The following NUBPL variants were observed in gnomAD, a reference collection of about 807,000 sequenced individuals.
NUBPL encodes iron-sulfur cluster transfer protein NUBPL.
Under a neutral mutation model 45.7 loss-of-function variants are expected in NUBPL, and 31 were observed. The ratio of observed to expected loss-of-function variants is 0.68; its 90% confidence interval spans 0.51 to 0.92. The LOEUF (loss-of-function observed/expected upper bound fraction) is 0.92, where lower values mean the gene tolerates loss of function less well. Among genes scored for constraint, NUBPL ranks in the 40% least tolerant of loss-of-function variants. The probability of loss-of-function intolerance (pLI) is 0.00; values close to 1 mark genes in which losing one functional copy is unlikely to be tolerated. For missense variants in NUBPL, 401 were observed against 398.7 expected, an observed-to-expected ratio of 1.01 and a Z score of -0.05; for synonymous variants, 144 against 140.9, an observed-to-expected ratio of 1.02 and a Z score of -0.15.
chr14:31,736,735 AT>A (rs1448304765), intron 6 of NUBPL, among the ~76,000 whole-genome samples: 1 of 152,150 alleles, frequency 6.6e-6, no homozygotes, highest in Non-Finnish European at 1.5e-5. Flanking sequence ...TGACTGCTGG[AT>A]TTTAGCTTAG....
intron 6 of NUBPL, among the ~76,000 whole-genome samples, chr14:31,708,320 G>A (rs2037496806): frequency 6.6e-6 from 1 of 152,134 alleles, no homozygotes; most frequent in African/African-American, 2.4e-5. Context: ...GAAAAGTGGT[G>A]GGGTCTTTTA....
At chr14:31,812,372 C>T (rs1471293916) in intron 7 of NUBPL, among the ~76,000 whole-genome samples, 1 of 152,194 alleles carries the variant, frequency 6.6e-6, no homozygotes, top group African/African-American at 2.4e-5. Context: ...CCCAGCCAGG[C>T]TTGCCTCCTT....
intron 6 of NUBPL, among the ~76,000 whole-genome samples, chr14:31,678,520 C>A (rs912800373): frequency 6.6e-6 from 1 of 152,186 alleles, no homozygotes; most frequent in Non-Finnish European, 1.5e-5. Context: ...TTGGTCCTGC[C>A]ATGACTGGAT....
chr14:31,814,488 G>T (rs1375687991), intron 7 of NUBPL, among the ~76,000 whole-genome samples: 1 of 151,878 alleles, frequency 6.6e-6, no homozygotes, highest in East Asian at 1.9e-4. Context: ...TAGGTTGGCT[G>T]TTTACTATGA....
At chr14:31,705,412 C>T (rs900132873) in intron 6 of NUBPL, among the ~76,000 whole-genome samples, 13 of 152,246 alleles carry the variant, frequency 8.5e-5, no homozygotes, top group African/African-American at 2.9e-4. Context: ...GCCTCACCCA[C>T]ATCCTACTGA....
intron 8 of NUBPL, among the ~76,000 whole-genome samples, chr14:31,838,017 A>G (rs937699376): frequency 1.3e-5 from 2 of 152,156 alleles, no homozygotes; most frequent in Non-Finnish European, 2.9e-5. Context: ...AACTTTAACC[A>G]GGAACCATGT....
At chr14:31,580,902 C>A (rs1435410966) in intron 3 of NUBPL, among the ~76,000 whole-genome samples, 1 of 152,166 alleles carries the variant, frequency 6.6e-6, no homozygotes, top group Non-Finnish European at 1.5e-5. Context: ...CCTCATAAGC[C>A]GTGGTGGAAA....
intron 6 of NUBPL, among the ~76,000 whole-genome samples, chr14:31,754,095 G>A (rs926915747): frequency 6.6e-6 from 1 of 152,130 alleles, no homozygotes; most frequent in African/African-American, 2.4e-5. Context: ...TAAAGAAGAT[G>A]AATGTTGGGC....
intron 7 of NUBPL, among the ~76,000 whole-genome samples, chr14:31,791,152 C>T (rs1382098930): frequency 6.6e-6 from 1 of 151,970 alleles, no homozygotes; most frequent in Non-Finnish European, 1.5e-5. Context: ...GTGACGTGCA[C>T]TTGTGGTCCC....
At chr14:31,848,858 C>A (rs2040494388) in intron 9 of NUBPL, among the ~76,000 whole-genome samples, 1 of 152,084 alleles carries the variant, frequency 6.6e-6, no homozygotes, top group Non-Finnish European at 1.5e-5. Flanking sequence ...TCCATTTCTG[C>A]AGTAGAAAAG....
In NUBPL at chr14:31,859,264, A is replaced by G. The variant is rs2040674785; in HGVS notation, c.*84A>G. 2 of 974,540 alleles carry G rather than the reference A, an allele frequency of 2.1e-6. No individual in the cohort carries two copies. The highest frequency in any genetic ancestry group is 1.6e-5 in the African/African-American group (1 of 61,992). 60.4% of individuals were successfully genotyped at this position (974,540 alleles called of 1,614,324 possible). On this transcript the variant is annotated 3_prime_UTR_variant, in exon 11 of 11. Transcript: ENST00000281081. ...AGCAATGTGGTGATGGAACCTACAG[A>G]AATAATAGAAATCATAACTGTTTTA... is the stretch of plus-strand genomic sequence containing the variant.
chr14:31,825,358 C>T (rs539829236), intron 7 of NUBPL, among the ~76,000 whole-genome samples: 14 of 152,288 alleles, frequency 9.2e-5, no homozygotes, highest in African/African-American at 2.9e-4. Context: ...CTTTATAACT[C>T]CATAACACCC....
Position 31,600,678 on chromosome 14 carries a change from A to G in NUBPL, c.382+1299A>G, listed in dbSNP as rs576765962. The stretch of plus-strand genomic sequence containing the variant: ...GCCCTTTGTCAGATGAGTAGGTTGC[A>G]AAAATTTTCTCCCATTTTGTAGGTT... On this transcript the variant is annotated intron_variant, in intron 4 of 10. Transcript: ENST00000281081. 1.1e-3 allele frequency among the ~76,000 whole-genome samples: 172 copies of G among 152,182 alleles called. No homozygotes were observed. The Middle Eastern group carries it at 0.014, about 12-fold the overall frequency.
At chr14:31,595,580 C>G (rs1054431744) in intron 3 of NUBPL, among the ~76,000 whole-genome samples, 2 of 152,202 alleles carry the variant, frequency 1.3e-5, no homozygotes, top group African/African-American at 4.8e-5. Context: ...TAAAACTTAG[C>G]TGGCTGGACA....
chr14:31,853,534 T>G (rs187638851), intron 10 of NUBPL, among the ~76,000 whole-genome samples: 1 of 152,306 alleles, frequency 6.6e-6, no homozygotes, highest in African/African-American at 2.4e-5. Flanking sequence ...ACAAAATCCT[T>G]TAGAATTACA....
At chr14:31,805,848 C>A (rs1389831864) in intron 7 of NUBPL, among the ~76,000 whole-genome samples, 4 of 152,026 alleles carry the variant, frequency 2.6e-5, no homozygotes, top group African/African-American at 7.3e-5. Flanking sequence ...GTACAACAAA[C>A]CCCCATGACA....
intron 4 of NUBPL, among the ~76,000 whole-genome samples, chr14:31,671,607 G>A (rs760176923): frequency 5.3e-5 from 8 of 152,240 alleles, no homozygotes; most frequent in African/African-American, 1.2e-4. Context: ...CCGTGATAGC[G>A]AAAGGTTATA....
intron 7 of NUBPL, among the ~76,000 whole-genome samples, chr14:31,815,591 A>G (rs1448488819): frequency 6.6e-6 from 1 of 152,158 alleles, no homozygotes; most frequent in Non-Finnish European, 1.5e-5. Flanking sequence ...GAGTGGTAAG[A>G]GAGGTCATCC....
intron 4 of NUBPL, among the ~76,000 whole-genome samples, chr14:31,639,421 T>C (rs1451737521): frequency 6.6e-6 from 1 of 152,216 alleles, no homozygotes; most frequent in African/African-American, 2.4e-5. Context: ...CAAATGCTGC[T>C]GTATGATCGT....
Sources: gnomAD v4.1 joint callset for allele counts (sites outside exome capture counted in the v4.1 genomes callset) on GRCh38, gnomAD v4.1.1 for gene constraint, MANE v1.5 for transcripts, NCBI Gene and HGNC (gene_info 2026-07-23, HGNC 2026-07-21) for gene names.